The following THSD7A variants were observed in gnomAD, a reference collection of about 807,000 sequenced individuals.
THSD7A encodes thrombospondin type-1 domain-containing protein 7A.
THSD7A carries 96 observed loss-of-function variants against 231.3 expected under a neutral mutation model. The ratio of observed to expected loss-of-function variants is 0.41; its 90% CI spans 0.35 to 0.49. The LOEUF (loss-of-function observed/expected upper bound fraction) is 0.49. THSD7A is among the 20% of genes least tolerant of loss of function. The pLI, the probability that THSD7A is intolerant of heterozygous loss-of-function variation, is 0.05. For synonymous variants in THSD7A, 940 were observed against 743.3 expected (o/e 1.26, Z -4.30); for missense variants, 2,290 against 2,070.2 (o/e 1.11, Z -2.06).
chr7:11,493,327 C>T (rs771978875), intron 6 of THSD7A, among the ~76,000 whole-genome samples: 2 of 151,936 alleles, frequency 1.3e-5, no homozygotes, highest in African/African-American at 2.4e-5. Flanking sequence ...AGTCAACATA[C>T]GTTGAAATTA....
chr7:11,484,327 G>A (rs1336046568), intron 6 of THSD7A, among the ~76,000 whole-genome samples: 2 of 151,804 alleles, frequency 1.3e-5, no homozygotes, highest in Non-Finnish European at 2.9e-5. Flanking sequence ...TCCTGCAAAC[G>A]AAGCCCATTG....
chr7:11,447,696 T>A (rs1421795951), intron 11 of THSD7A, among the ~76,000 whole-genome samples: 4 of 152,142 alleles, frequency 2.6e-5, no homozygotes, highest in African/African-American at 9.7e-5. Flanking sequence ...TTATATGTAT[T>A]CAGGGTTTCA....
chr7:11,733,731 T>C (rs958963670), intron 1 of THSD7A, among the ~76,000 whole-genome samples: 12 of 151,974 alleles, frequency 7.9e-5, no homozygotes, highest in African/African-American at 2.6e-4. Context: ...TAAGAATAGA[T>C]AGCTCCATAG....
chr7:11,504,137 G>C (rs941315494), intron 6 of THSD7A, among the ~76,000 whole-genome samples: 1 of 152,182 alleles, frequency 6.6e-6, no homozygotes, highest in Non-Finnish European at 1.5e-5. Flanking sequence ...CCATAAAAAA[G>C]AACGAGATCA....
chr7:11,823,858 C>T (rs772869042), intron 1 of THSD7A, among the ~76,000 whole-genome samples: 41 of 151,888 alleles, frequency 2.7e-4, no homozygotes, highest in Admixed American at 1.2e-3. Flanking sequence ...ATGGAAACCA[C>T]CTGGGTATTT....
intron 2 of THSD7A, among the ~76,000 whole-genome samples, chr7:11,598,358 G>A (rs1584055312): frequency 6.6e-6 from 1 of 152,210 alleles, no homozygotes; most frequent in South Asian, 2.1e-4. Flanking sequence ...CAGCAGAGGA[G>A]GATTTTAATA....
intron 6 of THSD7A, among the ~76,000 whole-genome samples, chr7:11,503,644 C>T (rs1787428844): frequency 6.6e-6 from 1 of 152,040 alleles, no homozygotes; most frequent in African/African-American, 2.4e-5. Flanking sequence ...AAAAAGTGGG[C>T]AAAGGACATG....
chr7:11,472,966 A>T (rs1253626163), intron 8 of THSD7A, among the ~76,000 whole-genome samples: 1 of 152,120 alleles, frequency 6.6e-6, no homozygotes, highest in Non-Finnish European at 1.5e-5. Flanking sequence ...TCTTGCTGTT[A>T]CCACTTTTGA....
chr7:11,701,414 G>C (rs528052063), intron 1 of THSD7A, among the ~76,000 whole-genome samples: 11 of 151,142 alleles, frequency 7.3e-5, no homozygotes, highest in African/African-American at 2.7e-4. Flanking sequence ...ATCCACTTGT[G>C]CCATCCTTGA....
rs1186004481 is a variant in THSD7A, at chr7:11,726,316, C to T, written c.191-89355G>A. Among the ~76,000 whole-genome samples the T allele has an allele frequency of 6.6e-5, 10 of 151,900 alleles. No homozygotes were observed. The East Asian group carries it at 1.6e-3, about 24-fold the overall frequency. ...ATAATTTGACAATGACAATCCATCA[C>T]GCCTCACCTCATCTACACCTTCTAC... On this transcript the variant is annotated intron_variant, in intron 1 of 27. Transcript: ENST00000423059.
At chr7:11,657,700 T>C (rs529059170) in intron 1 of THSD7A, among the ~76,000 whole-genome samples, 3 of 151,830 alleles carry the variant, frequency 2.0e-5, no homozygotes, top group Non-Finnish European at 4.4e-5. Flanking sequence ...TTTAAACCAT[T>C]CACAGATAAG....
At chr7:11,820,081 A>G (rs1057326836) in intron 1 of THSD7A, among the ~76,000 whole-genome samples, 4 of 151,708 alleles carry the variant, frequency 2.6e-5, no homozygotes, top group Non-Finnish European at 4.4e-5. Context: ...CTAAAGCCCA[A>G]TGCGTTGTGT....
chr7:11,437,459 G>A (rs1784669131), intron 13 of THSD7A, among the ~76,000 whole-genome samples: 1 of 151,974 alleles, frequency 6.6e-6, no homozygotes, highest in South Asian at 2.1e-4. Flanking sequence ...GTTACCTCAG[G>A]AAAAGTCTGT....
intron 1 of THSD7A, among the ~76,000 whole-genome samples, chr7:11,824,236 C>T (rs1784959080): frequency 6.6e-6 from 1 of 152,038 alleles, no homozygotes; most frequent in Non-Finnish European, 1.5e-5. Flanking sequence ...GTCTAATGTG[C>T]CTTTACATTA....
At chr7:11,767,529 C>A (rs1783066359) in intron 1 of THSD7A, among the ~76,000 whole-genome samples, 1 of 152,110 alleles carries the variant, frequency 6.6e-6, no homozygotes, top group Non-Finnish European at 1.5e-5. Flanking sequence ...AAAACTGTAA[C>A]CCTGCTACAA....
chr7:11,759,970 T>A (rs757082893), intron 1 of THSD7A, among the ~76,000 whole-genome samples: 166 of 152,064 alleles, frequency 1.1e-3, no homozygotes, highest in Non-Finnish European at 1.5e-3. Context: ...TATAAGGAAT[T>A]GATAAGAATA....
At chr7:11,460,171 T>C (rs185992744) in intron 11 of THSD7A, among the ~76,000 whole-genome samples, 2 of 152,280 alleles carry the variant, frequency 1.3e-5, no homozygotes, top group Admixed American at 1.3e-4. Flanking sequence ...CAGTACTAAA[T>C]ATGAACAGAA....
At chr7:11,817,354 G>C (rs1388120245) in intron 1 of THSD7A, among the ~76,000 whole-genome samples, 1 of 152,290 alleles carries the variant, frequency 6.6e-6, no homozygotes, top group Non-Finnish European at 1.5e-5. Context: ...AGCATTGCCT[G>C]CATGGCTAAG....
chr7:11,406,772 A>G lies in THSD7A; in HGVS notation c.4062+138T>C. The G allele has an allele frequency of 9.2e-7, 1 of 1,084,642 alleles. No individual in the cohort carries two copies. Among genetic ancestry groups the G allele is most frequent in the Non-Finnish European group, 1.3e-6 (1 of 777,526 alleles). The allele number at this position is 1,084,642 out of a possible 1,614,324, so 67.2% of individuals were successfully genotyped here. A position where few individuals can be genotyped will look rare whatever the true frequency, so the allele number is the denominator to read the frequency against. ...CTAATTAAATGGTTATAAAATGGCA[A>G]GTACATACAAATTTTAAGAAGCTTG... is the stretch of plus-strand genomic sequence containing the variant. On this transcript the variant is annotated intron_variant, in intron 21 of 27. Coordinates refer to ENST00000423059, the MANE Select transcript of THSD7A (RefSeq NM_015204.3). This position sits in a 1 kb window ranked among gnomAD's most constrained non-coding sequence, Gnocchi z 4.7.
Sources: gnomAD v4.1 joint callset for allele counts (sites outside exome capture counted in the v4.1 genomes callset) on GRCh38, gnomAD v4.1.1 for gene constraint, Gnocchi (gnomAD v3.1) non-coding constraint, MANE v1.5 for transcripts, NCBI Gene and HGNC (gene_info 2026-07-23, HGNC 2026-07-21) for gene names.